GRIN2B: variants seen among roughly 807,000 people sequenced by gnomAD.
GRIN2B encodes the protein glutamate ionotropic receptor NMDA type subunit 2B.
In GRIN2B, 5 loss-of-function variants were observed where a neutral mutation model predicts 114.5. The observed-to-expected ratio is 0.04, with a 90% CI of 0.02 to 0.09. The LOEUF is 0.09. Among genes scored for constraint, GRIN2B ranks in the 10% least tolerant of loss-of-function variants. The probability of loss-of-function intolerance (pLI) is 1.00; values close to 1 mark genes in which losing one functional copy is unlikely to be tolerated. For synonymous variants in GRIN2B, 787 were observed against 745.1 expected, an observed-to-expected ratio of 1.06 and a Z score of -0.92; for missense variants, 1,108 against 1,943.5, an observed-to-expected ratio of 0.57 and a Z score of 8.08.
intron 5 of GRIN2B, among the ~76,000 whole-genome samples, chr12:13,650,454 C>T (rs897957980): frequency 1.3e-5 from 2 of 152,094 alleles, no homozygotes; most frequent in African/African-American, 4.8e-5. Flanking sequence ...TGTGTGCCTT[C>T]TCACTAAGAT....
chr12:13,538,798 G>T lies in GRIN2B; in HGVS notation c.*23985C>A. The T allele has an allele frequency of 6.6e-6, 1 of 150,490 alleles. No individual in the cohort carries two copies. The highest frequency in any genetic ancestry group is 2.1e-4 in the South Asian group (1 of 4,788). 9.3% of individuals were successfully genotyped at this position (150,490 alleles called of 1,614,324 possible). ...CCTCTCCACTCCAGCCTGGATGACAGAGCAAGACCCTCTTAAAAAACAAAC... is the reference window on the plus strand; with the variant it reads ...CCTCTCCACTCCAGCCTGGATGACATAGCAAGACCCTCTTAAAAAACAAAC... On this transcript the variant is annotated 3_prime_UTR_variant, in exon 14 of 14. Transcript: ENST00000609686.
intron 2 of GRIN2B, among the ~76,000 whole-genome samples, chr12:13,916,739 G>GCACAAA (rs1591619859): frequency 7.1e-5 from 7 of 99,268 alleles, no homozygotes; most frequent in African/African-American, 1.9e-4. Flanking sequence ...ACACACATTT[G>GCACAAA]TGTGTGTGTG....
chr12:13,815,579 T>A (rs943853438), intron 3 of GRIN2B, among the ~76,000 whole-genome samples: 2 of 152,088 alleles, frequency 1.3e-5, no homozygotes, highest in African/African-American at 4.8e-5. Context: ...ATAGAAAAGA[T>A]GTATGAACAT....
intron 3 of GRIN2B, among the ~76,000 whole-genome samples, chr12:13,814,657 C>T (rs220595): frequency 0.3 from 45,550 of 152,080 alleles, 7,707 homozygotes; most frequent in East Asian, 0.54. Context: ...CACTGTCCAA[C>T]AGAACTTCCA....
rs1219944012 is a variant in GRIN2B at position 13,602,334 on chromosome 12, TC to T, written c.2010+6268del. Among the ~76,000 whole-genome samples, 8 of 152,276 alleles carry T rather than the reference TC, an allele frequency of 5.3e-5. No homozygotes were observed. In the East Asian group the frequency reaches 1.4e-3, roughly 26 times the overall value. The stretch of plus-strand genomic sequence containing the variant: ...TCCAACCCAGGCCCTCATTACTAGC[TC>T]CCTGGCTAGTTGGTCATGACTGCTA... On this transcript the variant is annotated intron_variant, in intron 10 of 13. Coordinates refer to ENST00000609686, the MANE Select transcript of GRIN2B (RefSeq NM_000834.5).
intron 3 of GRIN2B, among the ~76,000 whole-genome samples, chr12:13,837,895 A>G (rs1170633162): frequency 6.6e-6 from 1 of 152,108 alleles, no homozygotes; most frequent in Non-Finnish European, 1.5e-5. Context: ...AGAAGCTCCT[A>G]CCTCCCTGCC....
At chr12:13,928,578 A>T (rs1866960790) in intron 2 of GRIN2B, among the ~76,000 whole-genome samples, 1 of 152,254 alleles carries the variant, frequency 6.6e-6, no homozygotes, top group Non-Finnish European at 1.5e-5. Context: ...ACTTGTAAGA[A>T]AAGTGGCTAA....
intron 4 of GRIN2B, among the ~76,000 whole-genome samples, chr12:13,714,145 C>T (rs1239607786): frequency 1.3e-5 from 2 of 151,884 alleles, no homozygotes; most frequent in Middle Eastern, 6.8e-3. Flanking sequence ...TTCCTGTCCT[C>T]CCTCCCCCAC....
chr12:13,949,772 T>A (rs1359354052), intron 2 of GRIN2B, among the ~76,000 whole-genome samples: 6 of 152,194 alleles, frequency 3.9e-5, no homozygotes, highest in African/African-American at 1.4e-4. Context: ...CAGAGATGGA[T>A]ACAGCCTAAA....
chr12:13,583,193 A>G (rs1948875349), intron 10 of GRIN2B, among the ~76,000 whole-genome samples: 1 of 152,242 alleles, frequency 6.6e-6, no homozygotes, highest in Non-Finnish European at 1.5e-5. Flanking sequence ...CTGAAATAAA[A>G]TGAGGCAACA....
At chr12:13,964,521 C>G (rs1867755353) in intron 2 of GRIN2B, among the ~76,000 whole-genome samples, 1 of 152,156 alleles carries the variant, frequency 6.6e-6, no homozygotes, top group Non-Finnish European at 1.5e-5. Flanking sequence ...GACAAGTAAC[C>G]AGAGGAATAT....
chr12:13,710,730 T>C (rs1350545063), intron 4 of GRIN2B, among the ~76,000 whole-genome samples: 2 of 152,082 alleles, frequency 1.3e-5, no homozygotes, highest in African/African-American at 2.4e-5. Flanking sequence ...TAAAAGAGGA[T>C]ACAAACAAAT....
intron 4 of GRIN2B, among the ~76,000 whole-genome samples, chr12:13,737,619 G>C (rs894394845): frequency 1.3e-5 from 2 of 152,150 alleles, no homozygotes; most frequent in African/African-American, 4.8e-5. Context: ...TGACCTTAAG[G>C]ACGTGATACA....
intron 3 of GRIN2B, among the ~76,000 whole-genome samples, chr12:13,795,269 A>C (rs1331116771): frequency 6.6e-6 from 1 of 152,214 alleles, no homozygotes; most frequent in Admixed American, 6.5e-5. Context: ...AAAAGTTAAC[A>C]CATCAGGGTA....
At position 13,922,776 on chromosome 12, in the gene GRIN2B, C is replaced by T. The variant is rs79550431; in HGVS notation, c.-18-56550G>A. The stretch of plus-strand genomic sequence containing the variant: ...TGGTGGTAACAGCACCAAAACTGTG[C>T]TTTGGGAAACAACGCCTCCTCCAGT... On this transcript the variant is annotated intron_variant, in intron 2 of 13. Transcript: ENST00000609686. Among the ~76,000 whole-genome samples, 840 of 152,300 alleles carry T rather than the reference C, an allele frequency of 5.5e-3. 22 individuals carry two copies. The highest frequency in any genetic ancestry group is 0.049 in the East Asian group (254 of 5,172).
At chr12:13,892,978 A>C (rs1270266704) in intron 2 of GRIN2B, among the ~76,000 whole-genome samples, 1 of 152,184 alleles carries the variant, frequency 6.6e-6, no homozygotes, top group Non-Finnish European at 1.5e-5. Context: ...CAGGGATGAG[A>C]ACCTGAAGTC....
intron 3 of GRIN2B, among the ~76,000 whole-genome samples, chr12:13,784,105 T>C (rs1333361417): frequency 6.6e-6 from 1 of 151,454 alleles, no homozygotes; most frequent in South Asian, 2.1e-4. Flanking sequence ...GCACCTGTAG[T>C]CCCAGCTATT....
chr12:13,802,357 T>C (rs113017232), intron 3 of GRIN2B, among the ~76,000 whole-genome samples: 3,668 of 152,226 alleles, frequency 0.024, 70 homozygotes, highest in Middle Eastern at 0.075. Context: ...TCATACACTA[T>C]TGATCAACAC....
intron 3 of GRIN2B, among the ~76,000 whole-genome samples, chr12:13,779,245 C>T (rs933823627): frequency 1.3e-5 from 2 of 152,016 alleles, no homozygotes; most frequent in Non-Finnish European, 2.9e-5. Flanking sequence ...AGTTTCACCA[C>T]GTTGTCCAGG....
Sources: allele counts gnomAD v4.1 joint callset (sites outside exome capture counted in the v4.1 genomes callset), GRCh38; gene constraint gnomAD v4.1.1; transcripts MANE v1.5; gene names NCBI Gene and HGNC (gene_info 2026-07-23, HGNC 2026-07-21).